Variants in AGK observed in about 807,000 individuals in gnomAD.
AGK encodes the protein acylglycerol kinase.
A neutral mutation model predicts 66.4 loss-of-function variants in AGK; 52 were observed. That is an observed-to-expected ratio of 0.78 (90% CI 0.63 to 0.99). The LOEUF (loss-of-function observed/expected upper bound fraction) is 0.99. Ranked by LOEUF, AGK falls within the 50% of genes least tolerant of loss-of-function variation. The pLI, the probability that AGK is intolerant of heterozygous loss-of-function variation, is 0.00. For synonymous variants in AGK, 182 were observed against 181.1 expected, an observed-to-expected ratio of 1.00 and a Z score of -0.04; for missense variants, 451 against 506.6, an observed-to-expected ratio of 0.89 and a Z score of 1.05.
intron 11 of AGK, 45 bp downstream of exon 11, chr7:141,637,062 G>T: frequency 6.5e-7 from 1 of 1,535,374 alleles, no homozygotes; most frequent in Non-Finnish European, 8.9e-7. Context: ...TTATTTTGTT[G>T]TTTCTCTGTA....
At chr7:141,635,967 A>G (rs1797160085) in intron 10 of AGK, among the ~76,000 whole-genome samples, 1 of 152,240 alleles carries the variant, frequency 6.6e-6, no homozygotes, top group African/African-American at 2.4e-5. Flanking sequence ...ATAAATGTAT[A>G]TGATCAGAAT....
chr7:141,557,615 A>G (rs1795239751), intron 2 of AGK, among the ~76,000 whole-genome samples: 1 of 152,228 alleles, frequency 6.6e-6, no homozygotes, highest in Non-Finnish European at 1.5e-5. Context: ...GAGACCTTAA[A>G]AAAGGACCAT....
intron 5 of AGK, among the ~76,000 whole-genome samples, chr7:141,609,733 C>T (rs539073456): frequency 7.9e-4 from 121 of 152,332 alleles, no homozygotes; most frequent in Middle Eastern, 3.4e-3. Flanking sequence ...AGTTCCAACC[C>T]TCTAATCACC....
In AGK at chr7:141,636,124, G is replaced by A. The variant is rs149626347; in HGVS notation, c.669-836G>A. On this transcript the variant is annotated intron_variant, in intron 10 of 15. Transcript: ENST00000649286. ...ATTTAGCAATATGCAATAGATTCTC[G>A]TTATTCCCAGATTTAACATTTGCCA... Among the ~76,000 whole-genome samples, 35 of 152,208 alleles carry A rather than the reference G, an allele frequency of 2.3e-4. No individual in the cohort carries two copies. In the East Asian group the frequency reaches 2.9e-3, roughly 13 times the overall value.
At chr7:141,559,697 T>C (rs1401231612) in intron 2 of AGK, among the ~76,000 whole-genome samples, 1 of 152,202 alleles carries the variant, frequency 6.6e-6, no homozygotes, top group Non-Finnish European at 1.5e-5. Context: ...GAATAGACAT[T>C]TGAACAATAT....
intron 9 of AGK, among the ~76,000 whole-genome samples, chr7:141,627,286 A>ATT (rs369477652): frequency 2.6e-5 from 4 of 151,074 alleles, no homozygotes; most frequent in African/African-American, 9.7e-5. Flanking sequence ...CTAAACTCTT[A>ATT]TTTTTTTTTC....
chr7:141,565,966 C>T (rs1795458864), intron 2 of AGK, among the ~76,000 whole-genome samples: 1 of 152,218 alleles, frequency 6.6e-6, no homozygotes, highest in South Asian at 2.1e-4. Flanking sequence ...ACCAGCTCTA[C>T]ATGTGCTTGG....
intron 9 of AGK, among the ~76,000 whole-genome samples, chr7:141,625,565 G>A (rs956912967): frequency 2.0e-5 from 3 of 152,112 alleles, no homozygotes; most frequent in Admixed American, 1.3e-4. Context: ...TGCCCAGGCT[G>A]TAGTTCATCT....
chr7:141,587,806 AC>A (rs1440284922), intron 2 of AGK, among the ~76,000 whole-genome samples: 3 of 152,180 alleles, frequency 2.0e-5, no homozygotes, highest in Non-Finnish European at 4.4e-5. Context: ...TCCCTACTAA[AC>A]TATAAACTTC....
intron 11 of AGK, 89 bp downstream of exon 11, chr7:141,637,106 G>C: frequency 9.6e-7 from 1 of 1,047,014 alleles, no homozygotes; most frequent in Admixed American, 2.2e-5. Context: ...TTAATTCCTT[G>C]CTACAGATGA....
intron 2 of AGK, among the ~76,000 whole-genome samples, chr7:141,580,070 A>G (rs1264959230): frequency 6.6e-6 from 1 of 151,966 alleles, no homozygotes; most frequent in Non-Finnish European, 1.5e-5. Context: ...ACTTGAGAAG[A>G]GTTTTTATTA....
At chr7:141,600,980 T>C (rs1796328212) in intron 4 of AGK, among the ~76,000 whole-genome samples, 1 of 152,210 alleles carries the variant, frequency 6.6e-6, no homozygotes, top group Non-Finnish European at 1.5e-5. Flanking sequence ...AAGAGCTTAT[T>C]GCATTAGATA....
chr7:141,641,444 G>A (rs776945232), intron 12 of AGK, 46 bp downstream of exon 12: 37 of 1,577,006 alleles, frequency 2.3e-5, no homozygotes, highest in Non-Finnish European at 3.0e-5. Flanking sequence ...GGTCAGTTTA[G>A]AAGTGCCCTA....
chr7:141,583,035 T>C (rs540009273), intron 2 of AGK, among the ~76,000 whole-genome samples: 7 of 151,948 alleles, frequency 4.6e-5, no homozygotes, highest in Admixed American at 2.6e-4. Context: ...AAGGGACCGA[T>C]GTGTAAAAGA....
intron 2 of AGK, among the ~76,000 whole-genome samples, chr7:141,583,551 G>C (rs2116902662): frequency 6.6e-6 from 1 of 151,846 alleles, no homozygotes; most frequent in South Asian, 2.1e-4. Context: ...TGGAGAGAAG[G>C]GGTGGGGGGT....
chr7:141,605,968 C>T (rs1796452097), intron 5 of AGK, among the ~76,000 whole-genome samples: 1 of 152,144 alleles, frequency 6.6e-6, no homozygotes. Flanking sequence ...CAGTGGTTTT[C>T]AACTCTGGCT....
At chr7:141,602,646 A>G (rs533931213) in intron 5 of AGK, among the ~76,000 whole-genome samples, 1 of 151,462 alleles carries the variant, frequency 6.6e-6, no homozygotes, top group Non-Finnish European at 1.5e-5. Context: ...TGGCTTATTG[A>G]TCCTCTCATT....
intron 5 of AGK, among the ~76,000 whole-genome samples, chr7:141,604,372 GTGTATATATATATATA>G (rs973678274): frequency 3.4e-5 from 2 of 58,404 alleles, no homozygotes; most frequent in African/African-American, 7.1e-5. Flanking sequence ...GTGTGTGTGT[GTGTATATATATATATA>G]TATATATATA....
chr7:141,633,501 T>C lies in AGK; in HGVS notation c.589-400T>C, dbSNP rs1393567877. On this transcript the variant is annotated intron_variant, in intron 9 of 15. Coordinates refer to ENST00000649286, the MANE Select transcript of AGK (RefSeq NM_018238.4). ...TAGAGTACCAGGATTCTGATCTGAC[T>C]TGAGAGCTCTTGATCCTATAAGGAA... is the stretch of plus-strand genomic sequence containing the variant. Among the ~76,000 whole-genome samples the C allele has an allele frequency of 6.6e-5, 10 of 152,200 alleles. 1 individual carries two copies. The highest frequency in any genetic ancestry group is 6.5e-4 in the Admixed American group (10 of 15,288).
Sources: gnomAD v4.1 joint callset for allele counts (sites outside exome capture counted in the v4.1 genomes callset) on GRCh38, gnomAD v4.1.1 for gene constraint, MANE v1.5 for transcripts, NCBI Gene and HGNC (gene_info 2026-07-23, HGNC 2026-07-21) for gene names.